GPC6: variants seen among roughly 807,000 people sequenced by gnomAD.
GPC6 encodes the protein glypican-6.
Under a neutral mutation model 55.2 loss-of-function variants are expected in GPC6, and 14 were observed. The observed-to-expected ratio is 0.25, with a 90% CI of 0.17 to 0.40. The LOEUF (loss-of-function observed/expected upper bound fraction) is 0.40. GPC6 is among the 10% of genes least tolerant of loss of function. The probability of loss-of-function intolerance (pLI) is 1.00; values close to 1 mark genes in which losing one functional copy is unlikely to be tolerated. For synonymous variants in GPC6, 278 were observed against 259.6 expected (o/e 1.07, Z -0.68); for missense variants, 641 against 708.5 (o/e 0.90, Z 1.08).
intron 1 of GPC6, among the ~76,000 whole-genome samples, chr13:93,366,334 C>G (rs973486534): frequency 5.3e-5 from 8 of 152,022 alleles, no homozygotes; most frequent in African/African-American, 1.9e-4. Flanking sequence ...ATACAATCAA[C>G]CAAATTCTGA....
At position 93,555,727 on chromosome 13, in the gene GPC6, C is replaced by T. The variant is rs186794258; in HGVS notation, c.319+10306C>T. 2.7e-3 allele frequency among the ~76,000 whole-genome samples: 409 copies of T among 152,286 alleles called. 1 individual carries two copies. Among genetic ancestry groups the T allele is most frequent in the African/African-American group, 9.3e-3 (385 of 41,552 alleles). On this transcript the variant is annotated intron_variant, in intron 2 of 8. Transcript: ENST00000377047. The stretch of plus-strand genomic sequence containing the variant: ...ATGCACATATGCACAGTCACACACA[C>T]AGGCGTGAATAAGAAATGTTTAAGA...
intron 1 of GPC6, among the ~76,000 whole-genome samples, chr13:93,329,053 T>G (rs925569672): frequency 7.2e-5 from 11 of 152,184 alleles, no homozygotes; most frequent in Admixed American, 7.2e-4. Flanking sequence ...TTATGAATTA[T>G]CTTGAGTAAA....
intron 2 of GPC6, among the ~76,000 whole-genome samples, chr13:93,678,215 G>A (rs1237933264): frequency 1.3e-5 from 2 of 152,052 alleles, no homozygotes; most frequent in Admixed American, 1.3e-4. Context: ...TTTTTCTAAG[G>A]TGGCTTTATC....
At chr13:93,874,799 G>A (rs937539065) in intron 3 of GPC6, among the ~76,000 whole-genome samples, 3 of 151,732 alleles carry the variant, frequency 2.0e-5, no homozygotes, top group African/African-American at 4.8e-5. Flanking sequence ...GGTGTTCTCA[G>A]ATCATCTCAG....
intron 1 of GPC6, among the ~76,000 whole-genome samples, chr13:93,498,324 C>T (rs2139368306): frequency 6.6e-6 from 1 of 152,304 alleles, no homozygotes; most frequent in East Asian, 1.9e-4. Flanking sequence ...TCAGTACATG[C>T]TTAAATACAA....
At chr13:94,212,347 A>G (rs1292175510) in intron 4 of GPC6, among the ~76,000 whole-genome samples, 1 of 152,312 alleles carries the variant, frequency 6.6e-6, no homozygotes, top group East Asian at 1.9e-4. Flanking sequence ...TTCTTTGTTG[A>G]ACTGCTCACT....
chr13:94,321,766 C>A (rs1029887990), intron 6 of GPC6, among the ~76,000 whole-genome samples: 1 of 152,194 alleles, frequency 6.6e-6, no homozygotes, highest in Non-Finnish European at 1.5e-5. Flanking sequence ...TAGCCCATCT[C>A]AGCAGCCCCA....
intron 2 of GPC6, among the ~76,000 whole-genome samples, chr13:93,778,439 A>G (rs1311856076): frequency 6.6e-6 from 1 of 152,176 alleles, no homozygotes; most frequent in Non-Finnish European, 1.5e-5. Context: ...TGTTCAGCAA[A>G]TAGTTACTGA....
intron 1 of GPC6, among the ~76,000 whole-genome samples, chr13:93,477,677 T>C (rs896783849): frequency 6.6e-6 from 1 of 152,208 alleles, no homozygotes; most frequent in African/African-American, 2.4e-5. Context: ...ACTTACAGAA[T>C]TGAGAGTTGG....
At chr13:93,884,621 C>G (rs185670427) in intron 3 of GPC6, among the ~76,000 whole-genome samples, 1 of 152,138 alleles carries the variant, frequency 6.6e-6, no homozygotes, top group East Asian at 1.9e-4. Context: ...CAGTGATTGT[C>G]TTAGTAACAT....
chr13:94,024,879 A>G (rs1882834282), intron 3 of GPC6, among the ~76,000 whole-genome samples: 2 of 152,188 alleles, frequency 1.3e-5, no homozygotes, highest in South Asian at 4.1e-4. Flanking sequence ...TTGAATATCA[A>G]TGTGGCCAAG....
chr13:93,712,783 A>C (rs552595551), intron 2 of GPC6, among the ~76,000 whole-genome samples: 1 of 151,686 alleles, frequency 6.6e-6, no homozygotes, highest in African/African-American at 2.4e-5. Context: ...AACCACAATT[A>C]CTTTTGCACC....
intron 3 of GPC6, among the ~76,000 whole-genome samples, chr13:93,876,840 A>G (rs572990421): frequency 4.6e-5 from 7 of 152,100 alleles, no homozygotes; most frequent in African/African-American, 1.7e-4. Flanking sequence ...AATATTGCAC[A>G]TGGTTTTCAC....
rs1239987999 is a variant in GPC6 at position 94,232,686 on chromosome 13, T to C, written c.878-53663T>C. Among the ~76,000 whole-genome samples, 5 of 152,222 alleles carry C rather than the reference T, an allele frequency of 3.3e-5. No individual in the cohort carries two copies. In the South Asian group the frequency reaches 8.3e-4, roughly 25 times the overall value. On this transcript the variant is annotated intron_variant, in intron 4 of 8. Transcript: ENST00000377047. Reference sequence around the variant, plus strand: ...ATGGATTTTATTCAACGATGACATATTTTTTTAGATTCTGTAATGGCCCAT... The same window carrying C: ...ATGGATTTTATTCAACGATGACATACTTTTTTAGATTCTGTAATGGCCCAT...
chr13:93,541,840 T>G (rs1425318332), intron 1 of GPC6, among the ~76,000 whole-genome samples: 1 of 151,448 alleles, frequency 6.6e-6, no homozygotes, highest in Non-Finnish European at 1.5e-5. Context: ...GAGAAGTGTC[T>G]GTTCATGTCC....
At chr13:94,205,722 C>T (rs1889881066) in intron 4 of GPC6, among the ~76,000 whole-genome samples, 1 of 152,158 alleles carries the variant, frequency 6.6e-6, no homozygotes, top group Non-Finnish European at 1.5e-5. Flanking sequence ...TGCTTTGTGA[C>T]TTCATTTTCT....
intron 4 of GPC6, among the ~76,000 whole-genome samples, chr13:94,191,719 T>A (rs9584200): frequency 0.02 from 2,996 of 152,196 alleles, 102 homozygotes; most frequent in African/African-American, 0.068. Context: ...GCCTTTCCTG[T>A]CTCTTCTATT....
chr13:94,067,713 CAAAT>C (rs1362350369), intron 4 of GPC6, among the ~76,000 whole-genome samples: 1 of 152,032 alleles, frequency 6.6e-6, no homozygotes, highest in Non-Finnish European at 1.5e-5. Flanking sequence ...GAATATGAAG[CAAAT>C]AATATGTGTG....
At chr13:93,659,353 A>C (rs1880822913) in intron 2 of GPC6, among the ~76,000 whole-genome samples, 1 of 151,840 alleles carries the variant, frequency 6.6e-6, no homozygotes, top group Non-Finnish European at 1.5e-5. Context: ...CTATTCTTTT[A>C]CTATTTTGCT....
Sources: allele counts gnomAD v4.1 joint callset (sites outside exome capture counted in the v4.1 genomes callset), GRCh38; gene constraint gnomAD v4.1.1; transcripts MANE v1.5; gene names NCBI Gene and HGNC (gene_info 2026-07-23, HGNC 2026-07-21).